The following UBE3A variants were observed in gnomAD, a reference collection of about 807,000 sequenced individuals.
UBE3A encodes the protein ubiquitin protein ligase E3A, also known as ubiquitin-protein ligase E3A.
In UBE3A, 6 loss-of-function variants were observed where a neutral mutation model predicts 83.4. The ratio of observed to expected loss-of-function variants is 0.07; its 90% CI spans 0.04 to 0.14. The LOEUF is 0.14. UBE3A is among the 10% of genes least tolerant of loss of function. The probability of loss-of-function intolerance (pLI) is 1.00; values close to 1 mark genes in which losing one functional copy is unlikely to be tolerated. For synonymous variants in UBE3A, 337 were observed against 355.4 expected (o/e 0.95, Z 0.58); for missense variants, 456 against 1,036.1 (o/e 0.44, Z 7.69).
At chr15:25,357,088 G>A (rs751141746) in intron 7 of UBE3A, among the ~76,000 whole-genome samples, 192 bp from the exon 8 acceptor site, 4 of 152,080 alleles carry the variant, frequency 2.6e-5, no homozygotes, top group Non-Finnish European at 5.9e-5. Flanking sequence ...ATAAATTGGG[G>A]TGAATGGTGA....
chr15:25,411,207 T>C (rs542292717), intron 2 of UBE3A, among the ~76,000 whole-genome samples: 4 of 152,286 alleles, frequency 2.6e-5, no homozygotes, highest in South Asian at 4.1e-4. Context: ...TCCTTATAGG[T>C]AGAACTAGGA....
At chr15:25,422,220 C>A (rs1890036220) in intron 1 of UBE3A, among the ~76,000 whole-genome samples, 1 of 152,044 alleles carries the variant, frequency 6.6e-6, no homozygotes, top group South Asian at 2.1e-4. Context: ...ATATGCAATT[C>A]TAGAGTAGGA....
chr15:25,367,829 T>A (rs1465604214), intron 6 of UBE3A, among the ~76,000 whole-genome samples: 1 of 152,064 alleles, frequency 6.6e-6, no homozygotes, highest in Non-Finnish European at 1.5e-5. Context: ...AATGAATATA[T>A]TTTTCTTTTT....
chr15:25,408,385 C>A, intron 3 of UBE3A: 1 of 599,856 alleles, frequency 1.7e-6, no homozygotes. Context: ...AACATATAAC[C>A]AAAGGGAAAT....
At chr15:25,397,563 C>T (rs2085873595) in intron 4 of UBE3A, among the ~76,000 whole-genome samples, 1 of 152,142 alleles carries the variant, frequency 6.6e-6, no homozygotes, top group African/African-American at 2.4e-5. Flanking sequence ...AAGCCTGGCT[C>T]CTCCCCAAAG....
intron 1 of UBE3A, among the ~76,000 whole-genome samples, chr15:25,433,691 GC>G (rs1370863537): frequency 6.6e-6 from 1 of 152,124 alleles, no homozygotes; most frequent in Non-Finnish European, 1.5e-5. Flanking sequence ...TGACTCTGAT[GC>G]ACTTAAAATT....
chr15:25,389,836 C>A lies in UBE3A; in HGVS notation c.63-14073G>T, dbSNP rs1464444480. Among the ~76,000 whole-genome samples the A allele has an allele frequency of 2.0e-5, 3 of 152,144 alleles. No individual in the cohort carries two copies. In the East Asian group the frequency reaches 5.8e-4, roughly 29 times the overall value. ...CCAGGTGGCAGAGGTTGCAGGGAGCCAAGACTGTGCCACTGTACTGCAACC... is the reference window on the plus strand; with the variant it reads ...CCAGGTGGCAGAGGTTGCAGGGAGCAAAGACTGTGCCACTGTACTGCAACC... On this transcript the variant is annotated intron_variant, in intron 4 of 12. Coordinates refer to ENST00000648336, the MANE Select transcript of UBE3A (RefSeq NM_130839.5).
intron 4 of UBE3A, among the ~76,000 whole-genome samples, chr15:25,387,939 A>T (rs548860149): frequency 2.7e-4 from 41 of 152,358 alleles, no homozygotes; most frequent in Admixed American, 7.8e-4. Flanking sequence ...TTGATTAAAA[A>T]GCATATATTA....
chr15:25,433,707 A>C (rs964264692), intron 1 of UBE3A, among the ~76,000 whole-genome samples: 1 of 152,288 alleles, frequency 6.6e-6, no homozygotes, highest in Admixed American at 6.5e-5. Flanking sequence ...AAAATTTTAT[A>C]AATAATTTTT....
intron 1 of UBE3A, among the ~76,000 whole-genome samples, chr15:25,425,155 C>T (rs1257579035): frequency 1.3e-5 from 2 of 152,090 alleles, no homozygotes; most frequent in Non-Finnish European, 2.9e-5. Flanking sequence ...AACAGACATA[C>T]ATGTCAATGA....
In UBE3A at chr15:25,337,420, A is replaced by G. The variant is rs142556992; in HGVS notation, c.*1717T>C. 6.6e-6 allele frequency: 1 copy of G among 152,274 alleles called. No individual in the cohort carries two copies. The highest frequency in any genetic ancestry group is 1.9e-4 in the East Asian group (1 of 5,174). The allele number at this position is 152,274 out of a possible 1,614,324, so 9.4% of individuals were successfully genotyped here. ...CTAACAGTGTTCTAAAGGCTGGCCC[A>G]GAAAAACCCCATGTTACCTTATCAC... On this transcript the variant is annotated 3_prime_UTR_variant, in exon 13 of 13. Transcript: ENST00000648336.
chr15:25,434,457 A>G (rs1250072954), intron 1 of UBE3A, among the ~76,000 whole-genome samples: 1 of 152,216 alleles, frequency 6.6e-6, no homozygotes, highest in Non-Finnish European at 1.5e-5. Context: ...TTTATATGGC[A>G]TCTTCAAGTA....
Position 25,379,227 on chromosome 15 carries a change from A to T in UBE3A, c.63-3464T>A, listed in dbSNP as rs969464619. Among the ~76,000 whole-genome samples the T allele has an allele frequency of 2.0e-5, 3 of 152,350 alleles. No individual in the cohort carries two copies. The Middle Eastern group carries it at 0.01, about 518-fold the overall frequency. Reference sequence around the variant, plus strand: ...GAACATTGCCTGGCACATACTAAGCACTATGAAAGTGTTAGCTACTACTAT... The same window carrying T: ...GAACATTGCCTGGCACATACTAAGCTCTATGAAAGTGTTAGCTACTACTAT... On this transcript the variant is annotated intron_variant, in intron 4 of 12. Transcript: ENST00000648336.
chr15:25,419,984 G>C (rs1888958307), intron 1 of UBE3A, among the ~76,000 whole-genome samples: 1 of 151,858 alleles, frequency 6.6e-6, no homozygotes, highest in Non-Finnish European at 1.5e-5. Context: ...GAAAAGATTA[G>C]ACAAATAGAA....
At chr15:25,361,117 G>T (rs2078002963) in intron 6 of UBE3A, among the ~76,000 whole-genome samples, 1 of 133,254 alleles carries the variant, frequency 7.5e-6, no homozygotes, top group African/African-American at 2.8e-5. Flanking sequence ...CCTTACTCAT[G>T]TCCTTACTCT....
At chr15:25,344,862 C>CAGAT (rs1566846152) in intron 11 of UBE3A, among the ~76,000 whole-genome samples, 1 of 151,952 alleles carries the variant, frequency 6.6e-6, no homozygotes, top group African/African-American at 2.4e-5. Context: ...AATGAGATAA[C>CAGAT]AGATTAAGGT....
chr15:25,419,853 T>C (rs1027541861), intron 1 of UBE3A, among the ~76,000 whole-genome samples: 1 of 151,676 alleles, frequency 6.6e-6, no homozygotes, highest in Non-Finnish European at 1.5e-5. Flanking sequence ...AAGTTAAAGG[T>C]GCATATTGTA....
intron 4 of UBE3A, chr15:25,391,558 T>C (rs1010333541): frequency 1.3e-5 from 2 of 152,182 alleles, no homozygotes; most frequent in African/African-American, 4.8e-5. Flanking sequence ...AAAACCTGTT[T>C]TATCTTAATC....
intron 4 of UBE3A, among the ~76,000 whole-genome samples, chr15:25,385,481 T>G (rs2082952212): frequency 6.6e-6 from 1 of 152,018 alleles, no homozygotes. Flanking sequence ...GGAACCCTTA[T>G]GCACCACTGG....
Sources: allele counts gnomAD v4.1 joint callset (sites outside exome capture counted in the v4.1 genomes callset), GRCh38; gene constraint gnomAD v4.1.1; transcripts MANE v1.5; gene names NCBI Gene and HGNC (gene_info 2026-07-23, HGNC 2026-07-21).